Variants in LRRTM4 observed in about 807,000 individuals in gnomAD.
LRRTM4 encodes leucine rich repeat transmembrane neuronal 4.
A neutral mutation model predicts 47.6 loss-of-function variants in LRRTM4; 25 were observed. The ratio of observed to expected loss-of-function variants is 0.53; its 90% confidence interval spans 0.38 to 0.73. LRRTM4 has a LOEUF of 0.73. LRRTM4 is among the 30% of genes least tolerant of loss of function. The pLI is 0.00. For synonymous variants in LRRTM4, 311 were observed against 269.5 expected (o/e 1.15, Z -1.51); for missense variants, 638 against 713.4 (o/e 0.89, Z 1.20).
At chr2:77,150,082 A>G (rs1219867384) in intron 3 of LRRTM4, among the ~76,000 whole-genome samples, 3 of 152,188 alleles carry the variant, frequency 2.0e-5, no homozygotes, top group African/African-American at 7.2e-5. Context: ...AGAAGAGCAA[A>G]TACTTTGATA....
chr2:77,124,336 C>G (rs1445650464), intron 3 of LRRTM4, among the ~76,000 whole-genome samples: 1 of 152,048 alleles, frequency 6.6e-6, no homozygotes, highest in East Asian at 1.9e-4. Context: ...ACACACAGGA[C>G]AATGTCAAAA....
chr2:77,048,619 ATT>A (rs2103762994), intron 3 of LRRTM4, among the ~76,000 whole-genome samples: 1 of 151,782 alleles, frequency 6.6e-6, no homozygotes, highest in Non-Finnish European at 1.5e-5. Context: ...TCCAGTTTGA[ATT>A]TTTCTTATTA....
intron 3 of LRRTM4, among the ~76,000 whole-genome samples, chr2:77,386,721 A>G (rs1277852576): frequency 6.6e-6 from 1 of 152,008 alleles, no homozygotes; most frequent in Non-Finnish European, 1.5e-5. Context: ...CTCACTCGTA[A>G]GTGGGAGTTG....
At chr2:77,162,488 C>T (rs184783990) in intron 3 of LRRTM4, among the ~76,000 whole-genome samples, 1,837 of 152,242 alleles carry the variant, frequency 0.012, 40 homozygotes, top group African/African-American at 0.042. Flanking sequence ...TCTCCCAGCA[C>T]AGAGTTTGAG....
chr2:77,480,820 GTGGAGAGAGAGAGAGA>G (rs1677657786), intron 3 of LRRTM4, among the ~76,000 whole-genome samples: 1 of 99,038 alleles, frequency 1.0e-5, no homozygotes, highest in Non-Finnish European at 1.9e-5. Flanking sequence ...GTGTGTGTGT[GTGGAGAGAGAGAGAGA>G]GAGAGAGAGA....
intron 3 of LRRTM4, among the ~76,000 whole-genome samples, chr2:76,980,966 G>A (rs1311924711): frequency 1.3e-5 from 2 of 152,052 alleles, no homozygotes; most frequent in Non-Finnish European, 2.9e-5. Flanking sequence ...TTAACACAAT[G>A]TCTTATTCTT....
intron 3 of LRRTM4, among the ~76,000 whole-genome samples, chr2:76,828,065 G>A (rs1432248918): frequency 6.6e-6 from 1 of 151,946 alleles, no homozygotes; most frequent in Non-Finnish European, 1.5e-5. Flanking sequence ...TTTACACACT[G>A]ATTATGCATT....
At chr2:76,807,949 C>T (rs1573146074) in intron 3 of LRRTM4, among the ~76,000 whole-genome samples, 2 of 139,836 alleles carry the variant, frequency 1.4e-5, no homozygotes, top group Non-Finnish European at 1.5e-5. Context: ...TTCTTTCTTT[C>T]TTTCTTTTTC....
rs376026874 is a variant in LRRTM4 at position 76,898,695 on chromosome 2, G to A, written c.1552-149779C>T. Among the ~76,000 whole-genome samples the A allele has an allele frequency of 2.4e-4, 37 of 151,104 alleles. No homozygotes were observed. In the East Asian group the frequency reaches 2.5e-3, roughly 10 times the overall value. On this transcript the variant is annotated intron_variant, in intron 3 of 3. Coordinates refer to ENST00000409884, the MANE Select transcript of LRRTM4 (RefSeq NM_001134745.3). ...TATAGAGTTTCCTGAGCATCTGGAC[G>A]TATTAAATTTTATGGAAAATATCTA...
intron 3 of LRRTM4, among the ~76,000 whole-genome samples, chr2:77,155,851 A>T (rs1360503291): frequency 2.6e-5 from 4 of 152,110 alleles, no homozygotes; most frequent in Admixed American, 6.6e-5. Context: ...GGTTAACAGT[A>T]AAAAATATCT....
chr2:76,991,368 A>T (rs1312289396), intron 3 of LRRTM4, among the ~76,000 whole-genome samples: 1 of 151,694 alleles, frequency 6.6e-6, no homozygotes, highest in Non-Finnish European at 1.5e-5. Flanking sequence ...TATTGTTTGA[A>T]AGGACAAACA....
intron 3 of LRRTM4, among the ~76,000 whole-genome samples, chr2:76,872,425 C>G (rs1416956068): frequency 3.9e-5 from 6 of 151,932 alleles, no homozygotes; most frequent in African/African-American, 1.4e-4. Context: ...CTATATTGCT[C>G]TCTTTTTGAA....
chr2:76,954,421 C>G (rs377035192), intron 3 of LRRTM4, among the ~76,000 whole-genome samples: 2 of 151,318 alleles, frequency 1.3e-5, no homozygotes, highest in South Asian at 4.2e-4. Context: ...TTGAAAAATT[C>G]ACTACAGTTT....
rs1450934000 is a variant in LRRTM4, at chr2:76,880,392, C to CA, written c.1552-131477dup. ...AAAAGATTATGAATCACTGAAGGCT[C>CA]AGATTATCCTTAGAAATTTTTAGCT... On this transcript the variant is annotated intron_variant, in intron 3 of 3. Coordinates refer to ENST00000409884, the MANE Select transcript of LRRTM4 (RefSeq NM_001134745.3). Among the ~76,000 whole-genome samples, 12 of 152,172 alleles carry CA rather than the reference C, an allele frequency of 7.9e-5. No individual in the cohort carries two copies. In the South Asian group the frequency reaches 2.3e-3, roughly 29 times the overall value.
intron 3 of LRRTM4, among the ~76,000 whole-genome samples, chr2:77,503,595 T>A (rs1309517304): frequency 1.3e-5 from 2 of 151,472 alleles, no homozygotes; most frequent in African/African-American, 4.8e-5. Flanking sequence ...GGTAGTGTAT[T>A]CTGTGTGTGT....
At chr2:77,245,397 C>T (rs1309710240) in intron 3 of LRRTM4, among the ~76,000 whole-genome samples, 1 of 149,118 alleles carries the variant, frequency 6.7e-6, no homozygotes, top group Non-Finnish European at 1.5e-5. Flanking sequence ...AAATAAAAAA[C>T]AAAACAAAAC....
chr2:76,788,839 T>C (rs939811589), intron 3 of LRRTM4, among the ~76,000 whole-genome samples: 9 of 150,988 alleles, frequency 6.0e-5, no homozygotes, highest in Admixed American at 2.0e-4. Flanking sequence ...AAATCTGTGA[T>C]AATAATGATA....
chr2:76,940,496 G>T (rs1016015478), intron 3 of LRRTM4, among the ~76,000 whole-genome samples: 2 of 152,036 alleles, frequency 1.3e-5, no homozygotes, highest in Non-Finnish European at 2.9e-5. Flanking sequence ...GAGGGTGGAG[G>T]GTGAGAAGAG....
At chr2:77,052,756 TTC>T in intron 3 of LRRTM4, among the ~76,000 whole-genome samples, 1 of 152,096 alleles carries the variant, frequency 6.6e-6, no homozygotes, top group East Asian at 1.9e-4. Flanking sequence ...TCGTGAAAGT[TTC>T]TATTGATTTT....
Sources: gnomAD v4.1 joint callset for allele counts (sites outside exome capture counted in the v4.1 genomes callset) on GRCh38, gnomAD v4.1.1 for gene constraint, MANE v1.5 for transcripts, NCBI Gene and HGNC (gene_info 2026-07-23, HGNC 2026-07-21) for gene names.